Variants in SAMD4B observed in about 807,000 individuals in gnomAD.
SAMD4B encodes the protein sterile alpha motif domain containing 4B.
Under a neutral mutation model 74.5 loss-of-function variants are expected in SAMD4B, and 5 were observed. That is an observed-to-expected ratio of 0.07 (90% CI 0.04 to 0.14). The LOEUF (loss-of-function observed/expected upper bound fraction) is 0.14, where lower values mean the gene tolerates loss of function less well. SAMD4B is among the 10% of genes least tolerant of loss of function. The pLI is 1.00. For missense variants in SAMD4B, 608 were observed against 921.8 expected, an observed-to-expected ratio of 0.66 and a Z score of 4.41; for synonymous variants, 373 against 374.9, an observed-to-expected ratio of 1.00 and a Z score of 0.06.
chr19:39,370,477 A>G (rs1333604657), intron 4 of SAMD4B, among the ~76,000 whole-genome samples: 1 of 152,332 alleles, frequency 6.6e-6, no homozygotes, highest in East Asian at 1.9e-4. Context: ...TAGTGGCAGC[A>G]ATAATATAGA....
At chr19:39,365,528 T>TC (rs1228893987) in intron 3 of SAMD4B, among the ~76,000 whole-genome samples, 1 of 151,834 alleles carries the variant, frequency 6.6e-6, no homozygotes, top group African/African-American at 2.4e-5. Context: ...GCACTCCAAC[T>TC]TGAACAACAG....
intron 3 of SAMD4B, among the ~76,000 whole-genome samples, chr19:39,363,387 T>A (rs2076765678): frequency 6.6e-6 from 1 of 152,126 alleles, no homozygotes. Context: ...CTCCAAGGAA[T>A]CAGAGATGTG....
At chr19:39,386,610 G>A, downstream of SAMD4B, 7 of 1,610,082 alleles carry the variant, frequency 4.3e-6, no homozygotes, top group Non-Finnish European at 6.0e-6. The surrounding 1 kb of genome is among the most constrained non-coding windows in gnomAD (Gnocchi z 6.1). Context: ...GAAGGAGGGT[G>A]TTCTGCTGGG....
downstream of SAMD4B, chr19:39,390,077 G>A: frequency 6.2e-7 from 1 of 1,612,810 alleles, no homozygotes; most frequent in Non-Finnish European, 8.5e-7. Context: ...ACCTGTTCTG[G>A]TCGAAGGGGT....
intron 3 of SAMD4B, among the ~76,000 whole-genome samples, chr19:39,368,075 G>T (rs144807869): frequency 2.0e-4 from 30 of 152,070 alleles, no homozygotes. Context: ...TAAGCTGGGC[G>T]TGGTGGTGGG....
downstream of SAMD4B, chr19:39,388,673 G>A (rs2078306739): frequency 6.2e-7 from 1 of 1,613,618 alleles, no homozygotes; most frequent in South Asian, 1.1e-5. Flanking sequence ...CATCCATCAT[G>A]CCCCTGGTTG....
chr19:39,360,622 G>C (rs1179872207), intron 3 of SAMD4B, among the ~76,000 whole-genome samples: 2 of 152,158 alleles, frequency 1.3e-5, no homozygotes, highest in African/African-American at 4.8e-5. Context: ...AGAAGCAGGT[G>C]CCTCCTGTTT....
downstream of SAMD4B, chr19:39,386,031 G>C: frequency 6.2e-7 from 1 of 1,613,800 alleles, no homozygotes; most frequent in Non-Finnish European, 8.5e-7. This position sits in a 1 kb window ranked among gnomAD's most constrained non-coding sequence, Gnocchi z 6.1. Flanking sequence ...ATCAGAAGCT[G>C]CAGCTTCACT....
At position 39,342,442 on chromosome 19, in the gene SAMD4B, A is replaced by ACGG. The variant is rs920214608; in HGVS notation, c.-379_-377dup. The ACGG allele has an allele frequency of 3.9e-3, 688 of 177,666 alleles. 3 individuals carry two copies. Among genetic ancestry groups the ACGG allele is most frequent in the East Asian group, 0.027 (164 of 6,166 alleles). The allele number at this position is 177,666 out of a possible 1,614,324, so 11.0% of individuals were successfully genotyped here. ...ACGCACGGCGCGGTGACGCAGCGCGACGGCGGCGGCGGCGGCGGCGGCGGT... is the reference window on the plus strand; with the variant it reads ...ACGCACGGCGCGGTGACGCAGCGCGACGGCGGCGGCGGCGGCGGCGGCGGCGGT... On this transcript the variant is annotated 5_prime_UTR_variant, in exon 1 of 14. Transcript: ENST00000610417.
intron 4 of SAMD4B, among the ~76,000 whole-genome samples, chr19:39,370,418 C>G (rs1286117657): frequency 6.6e-6 from 1 of 152,178 alleles, no homozygotes; most frequent in Non-Finnish European, 1.5e-5. Flanking sequence ...GATTTCCAGC[C>G]TTTCTTGAGA....
chr19:39,386,083 G>A, downstream of SAMD4B: 2 of 1,613,960 alleles, frequency 1.2e-6, no homozygotes, highest in Non-Finnish European at 1.7e-6. This position sits in a 1 kb window ranked among gnomAD's most constrained non-coding sequence, Gnocchi z 6.1. Flanking sequence ...CTGGGGAAGG[G>A]ACTGGCGCTG....
chr19:39,345,587 A>G (rs923346431), intron 1 of SAMD4B, among the ~76,000 whole-genome samples: 3 of 151,872 alleles, frequency 2.0e-5, no homozygotes, highest in Admixed American at 1.3e-4. Context: ...AGACCCCTCC[A>G]CCTCCATTGT....
At chr19:39,379,509 C>G (rs2077821640) in intron 9 of SAMD4B, among the ~76,000 whole-genome samples, 2 of 152,248 alleles carry the variant, frequency 1.3e-5, no homozygotes, top group African/African-American at 2.4e-5. Context: ...AGACTGTAAG[C>G]TCTCTGGGCA....
rs772292411 is a variant in SAMD4B at position 39,384,903 on chromosome 19, CAAA to C, written c.*1382_*1384del. ...AAGATACAAAATGTTGGGAAAAAAACAAAAAAAACAAAAAAAAAAAAAATTTTA... is the reference window on the plus strand; with the variant it reads ...AAGATACAAAATGTTGGGAAAAAAACAAAAACAAAAAAAAAAAAAATTTTA... On this transcript the variant is annotated 3_prime_UTR_variant, in exon 14 of 14. Coordinates refer to ENST00000610417, the MANE Select transcript of SAMD4B (RefSeq NM_001384574.2). 1 of 146,778 alleles carries C rather than the reference CAAA, an allele frequency of 6.8e-6. No homozygotes were observed. Among genetic ancestry groups the C allele is most frequent in the Non-Finnish European group, 1.5e-5 (1 of 66,286 alleles). 9.1% of individuals were successfully genotyped at this position (146,778 alleles called of 1,614,324 possible). A position where few individuals can be genotyped will look rare whatever the true frequency, so the allele number is the denominator to read the frequency against.
At chr19:39,367,697 C>T (rs1004853878) in intron 3 of SAMD4B, among the ~76,000 whole-genome samples, 10 of 150,986 alleles carry the variant, frequency 6.6e-5, no homozygotes, top group African/African-American at 2.4e-4. Context: ...TTAGTAGAGA[C>T]AGGCTTTCAC....
In SAMD4B at chr19:39,383,466, G is replaced by C. The variant is rs1420844303; in HGVS notation, c.2057-33G>C. 5 of 1,611,708 alleles carry C rather than the reference G, an allele frequency of 3.1e-6. No homozygotes were observed. Among genetic ancestry groups the C allele is most frequent in the Non-Finnish European group, 4.2e-6 (5 of 1,177,820 alleles). ...TTTCTTGGGCCTCCCTCCAGCTCCT[G>C]ATCTTCCTCCCTTCCTCCCTTTCTT... On this transcript the variant is annotated intron_variant, in intron 13 of 13. Transcript: ENST00000610417. The surrounding 1 kb of genome is among the most constrained non-coding windows in gnomAD (Gnocchi z 4.1).
downstream of SAMD4B, chr19:39,389,999 C>T (rs544914739): frequency 5.7e-5 from 74 of 1,294,162 alleles, no homozygotes; most frequent in African/African-American, 1.0e-3. This position sits in a 1 kb window ranked among gnomAD's most constrained non-coding sequence, Gnocchi z 5.3. Context: ...CAGACAGCAG[C>T]CAACGAGACA....
chr19:39,386,122 C>T (rs753616653), downstream of SAMD4B: 6 of 1,614,050 alleles, frequency 3.7e-6, no homozygotes, highest in Non-Finnish European at 5.1e-6. The surrounding 1 kb of genome is among the most constrained non-coding windows in gnomAD (Gnocchi z 6.1). Flanking sequence ...CGCTGGCCAC[C>T]CCCATTGCTG....
rs751758362 is a variant in SAMD4B, at chr19:39,380,596, C to T, written c.1659C>T (p.Phe553=). The change falls in exon 11 of 14, where the codon TTC becomes TTT. Residue 553 remains phenylalanine (F), a synonymous_variant. Coordinates refer to ENST00000610417, the MANE Select transcript of SAMD4B (RefSeq NM_001384574.2). ...TTCTGCTCTCTCATAGCTGGGCATT[C>T]GGCTCCAACTCGCTCCCCATAGCTG... ...QNYRQQKGWA[F]GSNSLPIAGS... 36 of 1,614,058 alleles carry T rather than the reference C, an allele frequency of 2.2e-5. No individual in the cohort carries two copies. Among genetic ancestry groups the T allele is most frequent in the African/African-American group, 2.7e-5 (2 of 74,944 alleles).
Sources: allele counts gnomAD v4.1 joint callset (sites outside exome capture counted in the v4.1 genomes callset), GRCh38; gene constraint gnomAD v4.1.1; non-coding constraint Gnocchi (gnomAD v3.1); transcripts MANE v1.5; gene names NCBI Gene and HGNC (gene_info 2026-07-23, HGNC 2026-07-21).